SRPRB: variants seen among roughly 807,000 people sequenced by gnomAD.
SRPRB encodes signal recognition particle receptor subunit beta.
In SRPRB, 20 loss-of-function variants were observed where a neutral mutation model predicts 31.9. The observed-to-expected ratio is 0.63, with a 90% confidence interval of 0.44 to 0.91. The LOEUF (loss-of-function observed/expected upper bound fraction) is 0.91. SRPRB is among the 40% of genes least tolerant of loss of function. SRPRB has a pLI of 0.00. For missense variants in SRPRB, 321 were observed against 324.9 expected, an observed-to-expected ratio of 0.99 and a Z score of 0.09; for synonymous variants, 146 against 132.8, an observed-to-expected ratio of 1.10 and a Z score of -0.68.
chr3:133,823,155 C>T (rs555763578), downstream of SRPRB, among the ~76,000 whole-genome samples: 3 of 152,336 alleles, frequency 2.0e-5, no homozygotes, highest in East Asian at 1.9e-4. Flanking sequence ...GCAGCCCCAA[C>T]GGGACTGCCA....
downstream of SRPRB, chr3:133,827,523 TG>T: frequency 4.7e-6 from 1 of 214,568 alleles, no homozygotes; most frequent in East Asian, 1.2e-4. Context: ...GATGGCTCTC[TG>T]GGGGCAAGCA....
intron 6 of SRPRB, among the ~76,000 whole-genome samples, chr3:133,817,574 G>A (rs949002714): frequency 3.3e-5 from 5 of 152,044 alleles, no homozygotes; most frequent in African/African-American, 7.2e-5. Flanking sequence ...TGTCTTCTGC[G>A]TTATGCCAAT....
intron 5 of SRPRB, 131 bp from the exon 6 acceptor site, chr3:133,816,747 G>A (rs1935373165): frequency 1.6e-6 from 1 of 621,452 alleles, no homozygotes; most frequent in Non-Finnish European, 2.7e-6. Context: ...AGGAACTAGT[G>A]ATAAAAGGTC....
chr3:133,800,032 G>A (rs72976304), intron 1 of SRPRB, among the ~76,000 whole-genome samples: 2,481 of 152,280 alleles, frequency 0.016, 53 homozygotes, highest in African/African-American at 0.056. Context: ...CCCCAGGGAC[G>A]AACCTAGAAG....
rs753453054 is a variant in SRPRB at position 133,819,709 on chromosome 3, G to A, written c.759G>A (p.Gly253=). The change falls in exon 7 of 7, where the codon GGG becomes GGA. Residue 253 remains glycine (G), a synonymous_variant. Coordinates refer to ENST00000678299, the MANE Select transcript of SRPRB (RefSeq NM_001379313.1). ...FLECSAKGGR[G]DVGSADIQDL... ...AGTGCAGTGCCAAGGGTGGAAGAGG[G>A]GACGTGGGCTCTGCTGACATCCAGG... 1 of 1,614,148 alleles carries A rather than the reference G, an allele frequency of 6.2e-7. No homozygotes were observed. Among genetic ancestry groups the A allele is most frequent in the East Asian group, 2.2e-5 (1 of 44,878 alleles).
chr3:133,819,524 C>G, intron 6 of SRPRB, 29 bp from the exon 7 acceptor site: 1 of 1,597,194 alleles, frequency 6.3e-7, no homozygotes, highest in Admixed American at 1.7e-5. Flanking sequence ...AAAATTTTGC[C>G]TCCTGACTTC....
At chr3:133,786,348 A>G (rs975725554) in intron 1 of SRPRB, 1 of 152,106 alleles carries the variant, frequency 6.6e-6, no homozygotes, top group Non-Finnish European at 1.5e-5. Flanking sequence ...GTTAAAATTC[A>G]TATGTAATGT....
intron 3 of SRPRB, among the ~76,000 whole-genome samples, chr3:133,809,752 A>G (rs939639291): frequency 6.6e-6 from 1 of 152,202 alleles, no homozygotes; most frequent in East Asian, 1.9e-4. Flanking sequence ...AAGACTTAGT[A>G]TGGAAAAAAA....
chr3:133,812,177 C>T (rs1935274173), intron 4 of SRPRB, among the ~76,000 whole-genome samples: 1 of 152,152 alleles, frequency 6.6e-6, no homozygotes. Flanking sequence ...TCTTAGCGGT[C>T]CCTAAAATAA....
At chr3:133,823,106 C>T (rs187120721), downstream of SRPRB, among the ~76,000 whole-genome samples, 46 of 152,330 alleles carry the variant, frequency 3.0e-4, no homozygotes, top group African/African-American at 1.0e-3. Flanking sequence ...GCACTTGACT[C>T]CTAAGCGCTG....
intron 3 of SRPRB, among the ~76,000 whole-genome samples, chr3:133,809,034 C>G (rs2107969926): frequency 6.6e-6 from 1 of 151,554 alleles, no homozygotes; most frequent in African/African-American, 2.4e-5. Context: ...ACTCTGTTGC[C>G]CAGGCTGGAG....
chr3:133,806,771 A>T, intron 2 of SRPRB, 68 bp downstream of exon 2: 1 of 1,191,392 alleles, frequency 8.4e-7, no homozygotes, highest in Non-Finnish European at 1.2e-6. Flanking sequence ...TATTCCTGTC[A>T]TCTCACGGTT....
chr3:133,792,670 A>T (rs1934870448), intron 1 of SRPRB: 1 of 152,248 alleles, frequency 6.6e-6, no homozygotes, highest in Non-Finnish European at 1.5e-5. Flanking sequence ...TACGTAAGAA[A>T]AGTGAATGCA....
Position 133,805,915 on chromosome 3 carries a change from C to T in SRPRB, c.67C>T (p.Leu23=), listed in dbSNP as rs1935146697. ...GGAGGTFQPY[L]DTLRQELQQT... is the part of the protein sequence containing the mutation. ...TGCCGGGGGCACCTTCCAGCCCTAC[C>T]TAGACACCTTGCGGCAGGAGCTGCA... Residue 23 remains leucine, a synonymous_variant, in exon 1 of 7, where the codon CTA becomes TTA. Coordinates refer to ENST00000678299, the MANE Select transcript of SRPRB (RefSeq NM_001379313.1). The T allele has an allele frequency of 1.2e-6, 2 of 1,613,976 alleles. No individual in the cohort carries two copies. Among genetic ancestry groups the T allele is most frequent in the African/African-American group, 1.3e-5 (1 of 74,944 alleles).
At chr3:133,784,470 AAAATAATAAT>A (rs1934601304) in intron 1 of SRPRB, 1 of 96,298 alleles carries the variant, frequency 1.0e-5, no homozygotes, top group African/African-American at 4.5e-5. Flanking sequence ...ATTTGTTAAA[AAAATAATAAT>A]AATAATAATA....
chr3:133,807,810 T>A lies in SRPRB; in HGVS notation c.314T>A (p.Val105Asp), dbSNP rs1253204801. The A allele has an allele frequency of 6.2e-7, 1 of 1,610,642 alleles. No individual in the cohort carries two copies. The highest frequency in any genetic ancestry group is 8.5e-7 in the Non-Finnish European group (1 of 1,179,124). ...SITDSCAVYR[V>D]NNNRGNSLTL... ...ACTGACAGCTGTGCTGTATACAGAG[T>A]CAACAATAACAGGGTAAGATGTTTG... The change falls in exon 3 of 7, where the codon GTC becomes GAC. Residue 105 changes from valine (V) to aspartate (D), a missense_variant. By Grantham distance (152) the Val-to-Asp change is radical. Coordinates refer to ENST00000678299, the MANE Select transcript of SRPRB (RefSeq NM_001379313.1).
chr3:133,809,933 TC>T (rs1935229349), intron 3 of SRPRB, among the ~76,000 whole-genome samples: 3 of 152,214 alleles, frequency 2.0e-5, no homozygotes. Flanking sequence ...ATTCTATATT[TC>T]TACTATATTT....
chr3:133,819,868 A>T lies in SRPRB; in HGVS notation c.*102A>T. On this transcript the variant is annotated 3_prime_UTR_variant, in exon 7 of 7. Coordinates refer to ENST00000678299, the MANE Select transcript of SRPRB (RefSeq NM_001379313.1). ...TGAGGAAGGGGTACAAGATGTGGTT[A>T]GAAACATTTCTTTGTTCTGGAAACA... is the stretch of plus-strand genomic sequence containing the variant. The T allele has an allele frequency of 9.5e-7, 1 of 1,047,382 alleles. No individual in the cohort carries two copies. Among genetic ancestry groups the T allele is most frequent in the Non-Finnish European group, 1.4e-6 (1 of 714,336 alleles). 64.9% of individuals were successfully genotyped at this position (1,047,382 alleles called of 1,614,324 possible).
At chr3:133,787,650 A>C (rs1230679356) in intron 1 of SRPRB, 1 of 152,238 alleles carries the variant, frequency 6.6e-6, no homozygotes, top group African/African-American at 2.4e-5. Context: ...TTGTTCATTC[A>C]GTTGAGGAAG....
Sources: allele counts gnomAD v4.1 joint callset (sites outside exome capture counted in the v4.1 genomes callset), GRCh38; gene constraint gnomAD v4.1.1; transcripts MANE v1.5; gene names NCBI Gene and HGNC (gene_info 2026-07-23, HGNC 2026-07-21).